Variants in HOOK1 observed in about 807,000 individuals in gnomAD.
HOOK1 encodes the protein hook microtubule tethering protein 1.
A neutral mutation model predicts 112.8 loss-of-function variants in HOOK1; 60 were observed. That is an observed-to-expected ratio of 0.53 (90% CI 0.43 to 0.66). The LOEUF (loss-of-function observed/expected upper bound fraction) is 0.66. Ranked by LOEUF, HOOK1 falls within the 30% of genes least tolerant of loss-of-function variation. The probability of loss-of-function intolerance (pLI) is 0.00; values close to 1 mark genes in which losing one functional copy is unlikely to be tolerated. For missense variants in HOOK1, 770 were observed against 856.0 expected (o/e 0.90, Z 1.25); for synonymous variants, 294 against 283.8 (o/e 1.04, Z -0.36).
intron 6 of HOOK1, 36 bp downstream of exon 6, chr1:59,835,448 C>T (rs779093075): frequency 2.8e-5 from 34 of 1,208,252 alleles, no homozygotes; most frequent in Non-Finnish European, 3.9e-5. Flanking sequence ...TATAAAAATC[C>T]TAAACCAAAT....
chr1:59,869,689 C>T (rs1404853651), intron 20 of HOOK1, among the ~76,000 whole-genome samples: 7 of 152,168 alleles, frequency 4.6e-5, no homozygotes, highest in Non-Finnish European at 7.3e-5. Context: ...ATCCATAGTA[C>T]GACACCAACC....
At chr1:59,854,021 TATATATATATA>T (rs2098408797) in intron 12 of HOOK1, among the ~76,000 whole-genome samples, 1 of 25,554 alleles carries the variant, frequency 3.9e-5, no homozygotes, top group African/African-American at 1.6e-4. Flanking sequence ...TATATATATA[TATATATATATA>T]TATATATTTT....
intron 15 of HOOK1, 72 bp downstream of exon 15, chr1:59,860,400 A>G: frequency 2.8e-5 from 37 of 1,319,322 alleles, no homozygotes; most frequent in Non-Finnish European, 3.7e-5. Flanking sequence ...ATTCACAGAA[A>G]TGGAAAATAT....
chr1:59,855,941 T>TTTATATATATATATATATAAATTA (rs1230333065), intron 12 of HOOK1, among the ~76,000 whole-genome samples: 1 of 62,974 alleles, frequency 1.6e-5, no homozygotes, highest in Non-Finnish European at 2.9e-5. Context: ...ACCCAGCTAA[T>TTTATATATATATATATATAAATTA]TTATATATAT....
At chr1:59,815,339 G>A in intron 1 of HOOK1, 159 bp downstream of exon 1, 1 of 675,156 alleles carries the variant, frequency 1.5e-6, no homozygotes, top group Admixed American at 2.9e-5. Context: ...GCCACCTGCG[G>A]GTCGACGGGC....
chr1:59,832,310 C>T (rs1559046918), intron 4 of HOOK1, 97 bp downstream of exon 4: 5 of 724,124 alleles, frequency 6.9e-6, no homozygotes, highest in South Asian at 3.5e-5. Flanking sequence ...TAATATTTTA[C>T]TGGAATGTAA....
intron 21 of HOOK1, among the ~76,000 whole-genome samples, chr1:59,871,990 A>G (rs1184238704): frequency 6.6e-6 from 1 of 152,234 alleles, no homozygotes; most frequent in Non-Finnish European, 1.5e-5. Context: ...AGTTGAGATC[A>G]GTGACTGTGT....
rs564136421 is a variant in HOOK1, at chr1:59,876,155, A to AG, written c.*3191dup. On this transcript the variant is annotated 3_prime_UTR_variant, in exon 22 of 22. Transcript: ENST00000371208. ...ATTTGTAAAGCACAAACCATAAAAGAGTGTGGAGTTATTAAATGATGTAGC... is the reference window on the plus strand; with the variant it reads ...ATTTGTAAAGCACAAACCATAAAAGAGGTGTGGAGTTATTAAATGATGTAGC... The AG allele has an allele frequency of 5.4e-4, 83 of 152,774 alleles. No homozygotes were observed. Among genetic ancestry groups the AG allele is most frequent in the African/African-American group, 1.9e-3 (80 of 41,570 alleles). The allele number at this position is 152,774 out of a possible 1,614,324, so 9.5% of individuals were successfully genotyped here.
intron 18 of HOOK1, among the ~76,000 whole-genome samples, chr1:59,865,542 C>T (rs1159986697): frequency 1.3e-5 from 2 of 151,896 alleles, no homozygotes; most frequent in Admixed American, 6.6e-5. Flanking sequence ...AACTTTAAAA[C>T]ATTGTGTAGA....
At chr1:59,865,729 A>G (rs1643952326) in intron 18 of HOOK1, 143 bp from the exon 19 acceptor site, 2 of 378,764 alleles carry the variant, frequency 5.3e-6, no homozygotes, top group East Asian at 9.3e-5. Context: ...AATTCACTAC[A>G]AAGAATAAAT....
intron 2 of HOOK1, among the ~76,000 whole-genome samples, chr1:59,825,989 A>G (rs1256899709): frequency 6.6e-6 from 1 of 152,152 alleles, no homozygotes; most frequent in Non-Finnish European, 1.5e-5. Context: ...CCACAGTTTA[A>G]TGGGTTAATA....
chr1:59,855,792 AGACATGGTCTT>A (rs976095409), intron 12 of HOOK1, among the ~76,000 whole-genome samples: 125 of 148,650 alleles, frequency 8.4e-4, no homozygotes, highest in Non-Finnish European at 1.7e-3. Flanking sequence ...ATTTTTTTTG[AGACATGGTCTT>A]GCTCTGTCAT....
In HOOK1 at chr1:59,855,956, ATATAAATTAT is replaced by A. The variant is rs1193179586; in HGVS notation, c.1243-2467_1243-2458del. ...ACCCAGCTAATTTATATATATATAT[ATATAAATTAT>A]TATATATATATATATATATTTTTTT... On this transcript the variant is annotated intron_variant, in intron 12 of 21. Transcript: ENST00000371208. Among the ~76,000 whole-genome samples the A allele has an allele frequency of 7.4e-3, 735 of 99,956 alleles. 3 individuals carry two copies. Among genetic ancestry groups the A allele is most frequent in the Non-Finnish European group, 9.7e-3 (506 of 52,032 alleles). The allele number at this position is 99,956 out of a possible 152,430, so 65.6% of individuals were successfully genotyped here.
At chr1:59,823,110 G>A (rs1483364338) in intron 2 of HOOK1, among the ~76,000 whole-genome samples, 1 of 152,180 alleles carries the variant, frequency 6.6e-6, no homozygotes, top group Admixed American at 6.5e-5. Context: ...CACAAGGTCA[G>A]CAGATCGAGA....
At chr1:59,870,357 G>A (rs1218043579) in intron 20 of HOOK1, among the ~76,000 whole-genome samples, 2 of 152,208 alleles carry the variant, frequency 1.3e-5, no homozygotes, top group Admixed American at 6.5e-5. Flanking sequence ...AATAGCAGGG[G>A]CTGTTCTATC....
chr1:59,859,698 TA>T (rs2098412543), intron 14 of HOOK1, among the ~76,000 whole-genome samples: 1 of 151,952 alleles, frequency 6.6e-6, no homozygotes, highest in Non-Finnish European at 1.5e-5. Context: ...AAATCTTTAA[TA>T]AAATTTTTTT....
In HOOK1 at chr1:59,872,923, A is replaced by C. The variant is rs1290569164; in HGVS notation, c.2145A>C (p.Arg715Ser). ...AGCAACGGCACATCACCAACACCAG[A>C]AGAAATCTCTCTGTTAAAGTCCCTG... is the stretch of plus-strand genomic sequence containing the variant. ...LAQQRHITNT[R>S]RNLSVKVPAT... Residue 715 changes from arginine to serine, a missense_variant, in exon 22 of 22, where the codon AGA (arginine) becomes AGC (serine). By Grantham distance (110) the Arg-to-Ser change is moderately radical. Around this residue, in one of 3 missense-constraint regions of HOOK1, gnomAD observed 111 missense variants for 111.8 expected, o/e 0.99. Coordinates refer to ENST00000371208, the MANE Select transcript of HOOK1 (RefSeq NM_015888.6). 1 of 1,522,204 alleles carries C rather than the reference A, an allele frequency of 6.6e-7. No individual in the cohort carries two copies. Among genetic ancestry groups the C allele is most frequent in the East Asian group, 2.5e-5 (1 of 40,122 alleles). 94.3% of individuals were successfully genotyped at this position (1,522,204 alleles called of 1,614,324 possible). A position where few individuals can be genotyped will look rare whatever the true frequency, so the allele number is the denominator to read the frequency against.
intron 3 of HOOK1, among the ~76,000 whole-genome samples, chr1:59,830,506 AC>A (rs1014437251): frequency 1.3e-5 from 2 of 152,128 alleles, no homozygotes; most frequent in African/African-American, 4.8e-5. Flanking sequence ...TAATGTAGCC[AC>A]TACAGATTTT....
chr1:59,862,749 A>G lies in HOOK1; in HGVS notation c.1533-35A>G, dbSNP rs377274022. ...AGATCCTTAACTGCTTTGACTTTCA[A>G]TACAAGTAAATGCTTATGACCCATC... On this transcript the variant is annotated intron_variant, in intron 15 of 21. Transcript: ENST00000371208. 14 of 1,298,880 alleles carry G rather than the reference A, an allele frequency of 1.1e-5. No individual in the cohort carries two copies. In the Admixed American group the frequency reaches 1.6e-4, roughly 15 times the overall value. The allele number at this position is 1,298,880 out of a possible 1,614,324, so 80.5% of individuals were successfully genotyped here.
Sources: gnomAD v4.1 joint callset for allele counts (sites outside exome capture counted in the v4.1 genomes callset) on GRCh38, gnomAD v4.1.1 for gene constraint, gnomAD v4.1.1 regional missense constraint, MANE v1.5 for transcripts, NCBI Gene and HGNC (gene_info 2026-07-23, HGNC 2026-07-21) for gene names.